NPR1: variants seen among roughly 807,000 people sequenced by gnomAD.
NPR1 encodes natriuretic peptide receptor 1, also known as atrial natriuretic peptide receptor 1.
In NPR1, 57 loss-of-function variants were observed where a neutral mutation model predicts 116.9. That is an observed-to-expected ratio of 0.49 (90% CI 0.39 to 0.61). The LOEUF is 0.61. Among genes scored for constraint, NPR1 ranks in the 20% least tolerant of loss-of-function variants. NPR1 has a pLI of 0.00. For missense variants in NPR1, 1,096 were observed against 1,409.8 expected (o/e 0.78, Z 3.56); for synonymous variants, 555 against 601.6 (o/e 0.92, Z 1.13).
rs1669740041 is a variant in NPR1, at chr1:153,680,575, G to A, written c.796G>A (p.Glu266Lys). 6.2e-7 allele frequency: 1 copy of A among 1,614,164 alleles called. No individual in the cohort carries two copies. The highest frequency in any genetic ancestry group is 1.1e-5 in the South Asian group (1 of 91,074). Residue 266 changes from glutamate to lysine, a missense_variant, in exon 2 of 22, where the codon GAG becomes AAG. Glu to Lys is a moderately conservative substitution (Grantham distance 56). Coordinates refer to ENST00000368680, the MANE Select transcript of NPR1 (RefSeq NM_000906.4). ...LLALEAGLCGEDYVFFHLDIF... is the reference protein window; with the variant it reads ...LLALEAGLCGKDYVFFHLDIF... ...GGCCCTGGAAGCTGGCTTGTGTGGG[G>A]AGGACTACGTTTTCTTCCACCTGGA...
At position 153,686,697 on chromosome 1, in the gene NPR1, G is replaced by A. The variant is rs773838193; in HGVS notation, c.1810G>A (p.Asp604Asn). ...HLTRFVGACT[D>N]PPNICILTEY... ...GACCAGGTTTGTGGGAGCCTGCACC[G>A]ACCCCCCCAATATCTGCATCCTCAC... The change falls in exon 11 of 22, where the codon GAC (aspartate) becomes AAC (asparagine). Residue 604 changes from aspartate to asparagine, a missense_variant. By Grantham distance (23) the Asp-to-Asn change is conservative (BLOSUM62 1). Coordinates refer to ENST00000368680, the MANE Select transcript of NPR1 (RefSeq NM_000906.4). 11 of 1,613,910 alleles carry A rather than the reference G, an allele frequency of 6.8e-6. No individual in the cohort carries two copies. Among genetic ancestry groups the A allele is most frequent in the South Asian group, 1.1e-5 (1 of 91,060 alleles).
At position 153,689,076 on chromosome 1, in the gene NPR1, C is replaced by T. The variant is rs1225730102; in HGVS notation, c.2541C>T (p.Ala847=). Residue 847 remains alanine (A), a synonymous_variant, in exon 16 of 22, where the codon GCC becomes GCT. Transcript: ENST00000368680. This position sits in a 1 kb window ranked among gnomAD's most constrained non-coding sequence, Gnocchi z 5.1. ...TGGAGGAGAAGCGCAAGGCTGAGGC[C>T]CTGCTCTACCAGATCCTGCCTCAGT... The part of the protein sequence containing the change: ...AYLEEKRKAE[A]LLYQILPHSV... 1.2e-6 allele frequency: 2 copies of T among 1,614,040 alleles called. No individual in the cohort carries two copies. The highest frequency in any genetic ancestry group is 1.7e-6 in the Non-Finnish European group (2 of 1,180,034).
Position 153,680,615 on chromosome 1 carries a change from GCCTGCAAGGTGGACAGGGC to G in NPR1, c.842_860del (p.Gln281LeufsTer40). The G allele has an allele frequency of 6.2e-7, 1 of 1,614,226 alleles. No homozygotes were observed. Among genetic ancestry groups the G allele is most frequent in the Non-Finnish European group, 8.5e-7 (1 of 1,180,032 alleles). On this transcript the variant is annotated frameshift_variant, in exon 2 of 22. Transcript: ENST00000368680. LOFTEE classifies it high-confidence loss of function. ...TTCCACCTGGATATCTTTGGGCAAA[GCCTGCAAGGTGGACAGGGC>G]CCTGCTCCCCGCAGGCCCTGGGAGA...
At chr1:153,685,141 C>A in intron 8 of NPR1, 57 bp downstream of exon 8, 3 of 1,596,888 alleles carry the variant, frequency 1.9e-6, no homozygotes, top group South Asian at 1.1e-5. Flanking sequence ...GTACAAGGGG[C>A]AGTGCCTGAG....
At position 153,681,716 on chromosome 1, in the gene NPR1, C is replaced by G; in HGVS notation, c.1048C>G (p.Pro350Ala). 6.2e-7 allele frequency: 1 copy of G among 1,614,004 alleles called. No individual in the cohort carries two copies. Among genetic ancestry groups the G allele is most frequent in the Non-Finnish European group, 8.5e-7 (1 of 1,179,952 alleles). The change falls in exon 4 of 22, where the codon CCA becomes GCA. Residue 350 changes from proline to alanine, a missense_variant. Transcript: ENST00000368680. ...TMEDGLVNTIPASFHDGLLLY... is the reference protein window; with the variant it reads ...TMEDGLVNTIAASFHDGLLLY... ...TTTGCCCCTACAGGTGAACACCATCCCAGCATCCTTCCACGACGGGCTCCT... is the reference window on the plus strand; with the variant it reads ...TTTGCCCCTACAGGTGAACACCATCGCAGCATCCTTCCACGACGGGCTCCT...
chr1:153,685,092 C>T lies in NPR1; in HGVS notation c.1605+8C>T, dbSNP rs750532461. 6.8e-6 allele frequency: 11 copies of T among 1,613,230 alleles called. No homozygotes were observed. The highest frequency in any genetic ancestry group is 4.0e-5 in the African/African-American group (3 of 74,848). ...CGGCTGACCCTGAGCGGGGTAAGAA[C>T]GCTGGTGTTTGTGTTGGGGGGCAAT... is the stretch of plus-strand genomic sequence containing the variant. On this transcript the variant is annotated splice_region_variant and intron_variant, in intron 8 of 21. Transcript: ENST00000368680.
chr1:153,686,134 G>A lies in NPR1; in HGVS notation c.1692G>A (p.Val564=). 3 of 1,614,082 alleles carry A rather than the reference G, an allele frequency of 1.9e-6. No homozygotes were observed. Among genetic ancestry groups the A allele is most frequent in the Non-Finnish European group, 2.5e-6 (3 of 1,179,994 alleles). ...CATTCCATGCCCAGGGCAACCTCGT[G>A]GCTGTGAAACGTGTGAACCGTAAAC... ...AKTAYYKGNL[V]AVKRVNRKRI... The change falls in exon 10 of 22, where the codon GTG becomes GTA. Residue 564 remains valine, a synonymous_variant. Coordinates refer to ENST00000368680, the MANE Select transcript of NPR1 (RefSeq NM_000906.4).
rs373643330 is a variant in NPR1, at chr1:153,687,680, T to A, written c.2139T>A (p.Pro713=). Reference sequence around the variant, plus strand: ...AGCTCCTGCGAATGGCTTCACCCCCTGTGCGGGGCTCCCAGGCTGGTGACG... The same window carrying A: ...AGCTCCTGCGAATGGCTTCACCCCCAGTGCGGGGCTCCCAGGCTGGTGACG... ...APELLRMASP[P]VRGSQAGDVY... is the part of the protein sequence containing the mutation. Residue 713 remains proline, a synonymous_variant, in exon 14 of 22, where the codon CCT becomes CCA. Transcript: ENST00000368680. 17 of 1,604,974 alleles carry A rather than the reference T, an allele frequency of 1.1e-5. No homozygotes were observed. In the Admixed American group the frequency reaches 1.7e-4, roughly 16 times the overall value.
chr1:153,679,674 G>C lies in NPR1; in HGVS notation c.566G>C (p.Arg189Pro), dbSNP rs1248114144. ...CAAGCGCTCATGCTCTACGCCTACC[G>C]GCCGGGTGACGAAGAGCACTGCTTC... ...ERQALMLYAYRPGDEEHCFFL... is the reference protein window; with the variant it reads ...ERQALMLYAYPPGDEEHCFFL... Residue 189 changes from arginine (R) to proline (P), a missense_variant, in exon 1 of 22, where the codon CGG becomes CCG. Coordinates refer to ENST00000368680, the MANE Select transcript of NPR1 (RefSeq NM_000906.4). This position sits in a 1 kb window ranked among gnomAD's most constrained non-coding sequence, Gnocchi z 4.2. The C allele has an allele frequency of 6.2e-7, 1 of 1,608,902 alleles. No homozygotes were observed. Among genetic ancestry groups the C allele is most frequent in the South Asian group, 1.1e-5 (1 of 90,550 alleles).
intron 8 of NPR1, 129 bp downstream of exon 8, chr1:153,685,213 G>A (rs1188161280): frequency 8.0e-7 from 1 of 1,252,740 alleles, no homozygotes; most frequent in Non-Finnish European, 1.1e-6. Context: ...GTGACCTTGA[G>A]CGACTCATAG....
At chr1:153,683,944 G>A in intron 7 of NPR1, 120 bp downstream of exon 7, 1 of 797,842 alleles carries the variant, frequency 1.3e-6, no homozygotes, top group Non-Finnish European at 2.1e-6. Context: ...GGAAAACCAA[G>A]GGAGATGAGG....
At chr1:153,680,914 G>T in intron 2 of NPR1, 1 of 603,794 alleles carries the variant, frequency 1.7e-6, no homozygotes. Flanking sequence ...GGGGCGCTTC[G>T]CCACCAGCAG....
At chr1:153,685,239 G>C (rs1039075454) in intron 8 of NPR1, among the ~76,000 whole-genome samples, 155 bp downstream of exon 8, 2 of 152,052 alleles carry the variant, frequency 1.3e-5, no homozygotes, top group Non-Finnish European at 2.9e-5. Context: ...CTCCGAGACT[G>C]TCTCAGATGA....
At chr1:153,684,366 C>T (rs1256048889) in intron 7 of NPR1, among the ~76,000 whole-genome samples, 2 of 149,856 alleles carry the variant, frequency 1.3e-5, no homozygotes, top group South Asian at 2.1e-4. Flanking sequence ...GGCACTTCCA[C>T]GTACACTATT....
intron 11 of NPR1, 128 bp downstream of exon 11, chr1:153,686,878 T>G: frequency 8.0e-7 from 1 of 1,246,926 alleles, no homozygotes; most frequent in Non-Finnish European, 1.2e-6. Flanking sequence ...AAAATGGGAG[T>G]TGGGGAAGGG....
chr1:153,680,453 C>T (rs1259010797), intron 1 of NPR1, 48 bp from the exon 2 acceptor site: 12 of 1,583,618 alleles, frequency 7.6e-6, no homozygotes, highest in Non-Finnish European at 9.5e-6. Context: ...ACTCCTGTCT[C>T]TCCCGCAGTA....
At chr1:153,690,853 G>C (rs1315024943) in intron 20 of NPR1, among the ~76,000 whole-genome samples, 1 of 142,248 alleles carries the variant, frequency 7.0e-6, no homozygotes. Flanking sequence ...TGAGGCAGAA[G>C]AATTGCTTGA....
intron 5 of NPR1, 57 bp from the exon 6 acceptor site, chr1:153,683,319 T>C: frequency 1.3e-6 from 2 of 1,577,408 alleles, no homozygotes; most frequent in Non-Finnish European, 1.7e-6. Context: ...ACTGCTGCAC[T>C]CACAGCATGC....
At chr1:153,686,811 G>A in intron 11 of NPR1, 61 bp downstream of exon 11, 3 of 1,474,568 alleles carry the variant, frequency 2.0e-6, no homozygotes, top group Non-Finnish European at 2.8e-6. Flanking sequence ...CCCCTGACTG[G>A]CCATAAGACC....
Sources: allele counts gnomAD v4.1 joint callset (sites outside exome capture counted in the v4.1 genomes callset), GRCh38; gene constraint gnomAD v4.1.1; non-coding constraint Gnocchi (gnomAD v3.1); transcripts MANE v1.5; gene names NCBI Gene and HGNC (gene_info 2026-07-23, HGNC 2026-07-21).